Variants in PLD5 observed in about 807,000 individuals in gnomAD.
PLD5 encodes phospholipase D family member 5.
Under a neutral mutation model 61.1 loss-of-function variants are expected in PLD5, and 36 were observed. The observed-to-expected ratio is 0.59, with a 90% confidence interval of 0.45 to 0.78. The LOEUF is 0.78. Ranked by LOEUF, PLD5 falls within the 30% of genes least tolerant of loss-of-function variation. The pLI is 0.00. For missense variants in PLD5, 515 were observed against 644.4 expected (o/e 0.80, Z 2.17); for synonymous variants, 243 against 242.8 (o/e 1.00, Z -0.01).
intron 5 of PLD5, among the ~76,000 whole-genome samples, chr1:242,193,187 G>C (rs1012399593): frequency 2.0e-5 from 3 of 152,148 alleles, no homozygotes; most frequent in African/African-American, 7.2e-5. Flanking sequence ...CTCAAGGCAG[G>C]AGCTATATTT....
At chr1:242,379,350 C>T (rs1200602178) in intron 1 of PLD5, among the ~76,000 whole-genome samples, 1 of 152,178 alleles carries the variant, frequency 6.6e-6, no homozygotes, top group Non-Finnish European at 1.5e-5. Context: ...TTGGCCTATT[C>T]TTCTCTGCAC....
intron 1 of PLD5, among the ~76,000 whole-genome samples, chr1:242,466,428 T>C (rs1032546517): frequency 1.5e-4 from 23 of 152,240 alleles, no homozygotes; most frequent in African/African-American, 5.5e-4. Context: ...AAAGAGACTT[T>C]ATCTAATGGG....
rs77839222 is a variant in PLD5, at chr1:242,457,687, G to A, written c.189+66401C>T. ...TCATCAAAAAGAAGAAAATGACCAC[G>A]CTAACTCCTTTACAACAGACAATCC... is the stretch of plus-strand genomic sequence containing the variant. On this transcript the variant is annotated intron_variant, in intron 1 of 9. Transcript: ENST00000536534. Among the ~76,000 whole-genome samples the A allele has an allele frequency of 0.015, 2,278 of 152,194 alleles. 127 individuals carry two copies. In the East Asian group the frequency reaches 0.16, roughly 11 times the overall value.
chr1:242,525,269 AC>A (rs1177825106), upstream of PLD5, among the ~76,000 whole-genome samples: 2 of 152,076 alleles, frequency 1.3e-5, no homozygotes, highest in African/African-American at 4.8e-5. Flanking sequence ...GGCACGCGGG[AC>A]CGGTTGCTCC....
At chr1:242,518,887 G>T (rs533739930) in intron 1 of PLD5, among the ~76,000 whole-genome samples, 1 of 152,108 alleles carries the variant, frequency 6.6e-6, no homozygotes, top group African/African-American at 2.4e-5. Context: ...GATATATGTC[G>T]ACTGTAGTGG....
At chr1:242,171,774 C>T (rs1297411118) in intron 5 of PLD5, among the ~76,000 whole-genome samples, 1 of 151,014 alleles carries the variant, frequency 6.6e-6, no homozygotes, top group Non-Finnish European at 1.5e-5. Context: ...GACTTTAAAC[C>T]AACAAAGATC....
intron 1 of PLD5, among the ~76,000 whole-genome samples, chr1:242,363,071 G>A (rs1464979519): frequency 6.6e-6 from 1 of 152,162 alleles, no homozygotes; most frequent in Non-Finnish European, 1.5e-5. Flanking sequence ...TCATAGAGAA[G>A]CGGTGAAGAT....
chr1:242,230,949 CCTT>C (rs1389854635), intron 4 of PLD5, among the ~76,000 whole-genome samples: 1 of 152,118 alleles, frequency 6.6e-6, no homozygotes, highest in Admixed American at 6.5e-5. Flanking sequence ...TTATATATAA[CCTT>C]CTAGTCCAAC....
rs1660373556 is a variant in PLD5, at chr1:242,349,851, G to C, written c.190-1609C>G. Among the ~76,000 whole-genome samples the C allele has an allele frequency of 3.3e-5, 5 of 152,158 alleles. No homozygotes were observed. The South Asian group carries it at 1.0e-3, about 32-fold the overall frequency. On this transcript the variant is annotated intron_variant, in intron 1 of 9. Transcript: ENST00000536534. ...ATGGGGACTTTTGGGAGCTGATTAG[G>C]TCACGAAGACAGAGTTTTGCCCTCA...
intron 1 of PLD5, among the ~76,000 whole-genome samples, chr1:242,478,544 C>G (rs981945880): frequency 2.0e-5 from 3 of 152,150 alleles, no homozygotes; most frequent in African/African-American, 7.2e-5. Flanking sequence ...ACTTTCTGAC[C>G]TCCCAGGAAT....
chr1:242,372,573 T>C (rs936201538), intron 1 of PLD5, among the ~76,000 whole-genome samples: 1 of 152,158 alleles, frequency 6.6e-6, no homozygotes, highest in African/African-American at 2.4e-5. Context: ...CAAAACAGCA[T>C]GGCACTGGTA....
intron 2 of PLD5, among the ~76,000 whole-genome samples, chr1:242,331,553 C>G (rs886528887): frequency 1.3e-5 from 2 of 152,058 alleles, no homozygotes; most frequent in Non-Finnish European, 2.9e-5. Context: ...ATTCCCAAGA[C>G]AGAATGAAAA....
chr1:242,200,830 A>G (rs879403673), intron 5 of PLD5, among the ~76,000 whole-genome samples: 2 of 152,240 alleles, frequency 1.3e-5, no homozygotes, highest in Non-Finnish European at 2.9e-5. Context: ...GGCTTCATGG[A>G]AAATTTCTAA....
intron 8 of PLD5, among the ~76,000 whole-genome samples, chr1:242,105,193 G>A (rs1053352018): frequency 1.3e-5 from 2 of 151,312 alleles, no homozygotes; most frequent in Non-Finnish European, 2.9e-5. Flanking sequence ...ATAGGGACTG[G>A]GGAAATGAAT....
intron 3 of PLD5, among the ~76,000 whole-genome samples, chr1:242,282,540 G>A (rs1166133433): frequency 3.9e-5 from 6 of 152,182 alleles, no homozygotes. Context: ...TGTATCATCA[G>A]TTGGCAATCA....
chr1:242,207,974 T>G (rs1411700201), intron 5 of PLD5, among the ~76,000 whole-genome samples: 1 of 35,296 alleles, frequency 2.8e-5, no homozygotes, highest in Non-Finnish European at 5.2e-5. Context: ...TTATATATAT[T>G]TTTATATATA....
At chr1:242,325,364 T>C (rs1354309195) in intron 2 of PLD5, among the ~76,000 whole-genome samples, 1 of 142,966 alleles carries the variant, frequency 7.0e-6, no homozygotes, top group Non-Finnish European at 1.5e-5. Context: ...GCGAGATATA[T>C]ATATATATAG....
chr1:242,497,536 G>A (rs1036252235), intron 1 of PLD5, among the ~76,000 whole-genome samples: 3 of 152,186 alleles, frequency 2.0e-5, no homozygotes, highest in African/African-American at 7.2e-5. Context: ...TGTGGACTGA[G>A]CCATCCATTG....
At chr1:242,117,008 T>C (rs1314961328) in intron 6 of PLD5, among the ~76,000 whole-genome samples, 1 of 152,158 alleles carries the variant, frequency 6.6e-6, no homozygotes, top group Non-Finnish European at 1.5e-5. Context: ...TAAGTTTCCC[T>C]CACTTGGGCA....
Sources: gnomAD v4.1 joint callset for allele counts (sites outside exome capture counted in the v4.1 genomes callset) on GRCh38, gnomAD v4.1.1 for gene constraint, MANE v1.5 for transcripts, NCBI Gene and HGNC (gene_info 2026-07-23, HGNC 2026-07-21) for gene names.